Variants in NINJ2 observed in about 807,000 individuals in gnomAD.
NINJ2 encodes the protein ninjurin-2.
A neutral mutation model predicts 11.7 loss-of-function variants in NINJ2; 12 were observed. The ratio of observed to expected loss-of-function variants is 1.02; its 90% CI spans 0.66 to 1.66. The LOEUF is 1.66. Ranked by LOEUF, NINJ2 falls within the 40% of genes most tolerant of loss-of-function variation. The pLI is 0.00. For synonymous variants in NINJ2, 93 were observed against 76.8 expected (o/e 1.21, Z -1.10); for missense variants, 187 against 181.8 (o/e 1.03, Z -0.16).
At chr12:650,799 G>T (rs980851098) in intron 1 of NINJ2, among the ~76,000 whole-genome samples, 3 of 152,182 alleles carry the variant, frequency 2.0e-5, no homozygotes, top group Admixed American at 2.0e-4. Context: ...CTGCATGTAA[G>T]GCACTTGGAA....
chr12:565,299 A>T lies in NINJ2; in HGVS notation c.365T>A (p.Ile122Asn). Residue 122 changes from isoleucine (I) to asparagine (N), a missense_variant, in exon 3 of 4, where the codon ATT becomes AAT. Transcript: ENST00000305108. ...TGTTTTATGTGCCCCGAAGGCTGTA[A>T]TGAAAACATTGATGACCACAGTGAA... The part of the protein sequence containing the change: ...VFFTVVINVF[I>N]TAFGAHKTGF... 6.2e-7 allele frequency: 1 copy of T among 1,614,208 alleles called. No homozygotes were observed. Among genetic ancestry groups the T allele is most frequent in the Non-Finnish European group, 8.5e-7 (1 of 1,180,028 alleles).
chr12:638,451 T>C (rs1176404614), intron 1 of NINJ2, among the ~76,000 whole-genome samples: 1 of 152,234 alleles, frequency 6.6e-6, no homozygotes, highest in Non-Finnish European at 1.5e-5. Context: ...AGTCTCGCTC[T>C]GTCACCCAGG....
chr12:662,965 C>CCAAAGAACTG (rs113365778), intron 1 of NINJ2, among the ~76,000 whole-genome samples: 148,270 of 152,192 alleles, frequency 0.97, 72,332 homozygotes, highest in Non-Finnish European at 1. Context: ...TTTCCTGTCT[C>CCAAAGAACTG]CCCGGCAGCT....
chr12:653,252 CCCGTGATCTGCCCGCCTCTG>C, intron 1 of NINJ2, among the ~76,000 whole-genome samples: 1 of 152,044 alleles, frequency 6.6e-6, no homozygotes, highest in Admixed American at 6.6e-5. Flanking sequence ...GATCTCTTGA[CCCGTGATCTGCCCGCCTCTG>C]CCTCCCAAAG....
intron 1 of NINJ2, among the ~76,000 whole-genome samples, chr12:570,357 G>T (rs1299271857): frequency 6.6e-6 from 1 of 152,228 alleles, no homozygotes; most frequent in Non-Finnish European, 1.5e-5. Context: ...CAGAGGGATG[G>T]ATGGAATGAC....
chr12:565,196 G>A, intron 3 of NINJ2, 21 bp downstream of exon 3: 2 of 1,584,668 alleles, frequency 1.3e-6, no homozygotes, highest in Non-Finnish European at 1.7e-6. Context: ...CTGGAGCTGG[G>A]GTTCCTCCAT....
intron 1 of NINJ2, among the ~76,000 whole-genome samples, chr12:611,577 A>T (rs1476077998): frequency 6.6e-6 from 1 of 152,224 alleles, no homozygotes; most frequent in African/African-American, 2.4e-5. Flanking sequence ...ACCTCAAGTG[A>T]TCTGCCTGCC....
intron 1 of NINJ2, among the ~76,000 whole-genome samples, chr12:599,730 G>A (rs528607056): frequency 2.0e-5 from 3 of 152,284 alleles, no homozygotes; most frequent in East Asian, 1.9e-4. Flanking sequence ...CTGGAAGTGC[G>A]GAGGCCCTCC....
chr12:579,083 T>C (rs1218589140), intron 1 of NINJ2, among the ~76,000 whole-genome samples: 1 of 152,188 alleles, frequency 6.6e-6, no homozygotes, highest in Non-Finnish European at 1.5e-5. Flanking sequence ...CATAAGGGTG[T>C]ATATGAGTTT....
rs1033150763 is a variant in NINJ2 at position 585,292 on chromosome 12, C to A, written c.34-19114G>T. Reference sequence around the variant, plus strand: ...CCTGCTGCAAGCTCTTAACCCTTAGCGTGAGCAGATGGTAGAACTGCCCAT... The same window carrying A: ...CCTGCTGCAAGCTCTTAACCCTTAGAGTGAGCAGATGGTAGAACTGCCCAT... On this transcript the variant is annotated intron_variant, in intron 1 of 3. Coordinates refer to ENST00000305108, the MANE Select transcript of NINJ2 (RefSeq NM_016533.6). The surrounding 1 kb of genome is among the most constrained non-coding windows in gnomAD (Gnocchi z 4.1). Among the ~76,000 whole-genome samples, 3 of 152,182 alleles carry A rather than the reference C, an allele frequency of 2.0e-5. No individual in the cohort carries two copies. Among genetic ancestry groups the A allele is most frequent in the African/African-American group, 4.8e-5 (2 of 41,434 alleles).
chr12:633,739 C>T lies in NINJ2; in HGVS notation c.33+29589G>A, dbSNP rs974958659. On this transcript the variant is annotated intron_variant, in intron 1 of 3. Transcript: ENST00000305108. The surrounding 1 kb of genome is among the most constrained non-coding windows in gnomAD (Gnocchi z 4.3). ...CTGAGGCAGGAGAATCATTTGAACC[C>T]AGGAGGTGGAGGTTGCAGTGAGCCA... Among the ~76,000 whole-genome samples the T allele has an allele frequency of 3.9e-5, 6 of 152,184 alleles. No individual in the cohort carries two copies. The highest frequency in any genetic ancestry group is 1.4e-4 in the African/African-American group (6 of 41,450).
At position 565,285 on chromosome 12, in the gene NINJ2, C is replaced by T. The variant is rs1947276363; in HGVS notation, c.379G>A (p.Ala127Thr). 1 of 1,614,166 alleles carries T rather than the reference C, an allele frequency of 6.2e-7. No homozygotes were observed. Among genetic ancestry groups the T allele is most frequent in the Non-Finnish European group, 8.5e-7 (1 of 1,180,020 alleles). ...VINVFITAFG[A>T]HKTGFLAARA... ...GCAGCCAGGAACCCTGTTTTATGTG[C>T]CCCGAAGGCTGTAATGAAAACATTG... Residue 127 changes from alanine to threonine, a missense_variant, in exon 3 of 4, where the codon GCA becomes ACA. Ala to Thr is a moderately conservative substitution (Grantham distance 58). Transcript: ENST00000305108.
intron 1 of NINJ2, among the ~76,000 whole-genome samples, chr12:568,325 C>T (rs1210780310): frequency 6.6e-6 from 1 of 152,200 alleles, no homozygotes; most frequent in Non-Finnish European, 1.5e-5. Context: ...CAATCCTCTC[C>T]TAGGCCAACA....
At chr12:597,657 C>A (rs1947806295) in intron 1 of NINJ2, among the ~76,000 whole-genome samples, 1 of 152,228 alleles carries the variant, frequency 6.6e-6, no homozygotes, top group Non-Finnish European at 1.5e-5. Flanking sequence ...AAAGTAGGGC[C>A]AAGTGAAATT....
At chr12:617,357 G>A (rs540117698) in intron 1 of NINJ2, among the ~76,000 whole-genome samples, 2 of 152,262 alleles carry the variant, frequency 1.3e-5, no homozygotes, top group African/African-American at 4.8e-5. Context: ...CTCCCCTCAC[G>A]AAGCCTTCCC....
intron 1 of NINJ2, among the ~76,000 whole-genome samples, chr12:639,277 A>G (rs1461158426): frequency 2.0e-5 from 3 of 152,190 alleles, no homozygotes; most frequent in African/African-American, 7.2e-5. Context: ...AGTCACACTT[A>G]TATGGGGCTG....
chr12:577,427 A>ATGTATG (rs1947476222), intron 1 of NINJ2, among the ~76,000 whole-genome samples: 1 of 62,610 alleles, frequency 1.6e-5, no homozygotes, highest in Non-Finnish European at 4.5e-5. Context: ...ATATATATAT[A>ATGTATG]TACATATATA....
rs73598153 is a variant in NINJ2 at position 649,920 on chromosome 12, A to C, written c.33+13408T>G. 8.1e-3 allele frequency among the ~76,000 whole-genome samples: 1,231 copies of C among 152,284 alleles called. 20 individuals carry two copies. Among genetic ancestry groups the C allele is most frequent in the African/African-American group, 0.028 (1,176 of 41,548 alleles). On this transcript the variant is annotated intron_variant, in intron 1 of 3. Transcript: ENST00000305108. ...TAAGTATTCTTCCAAAACATAAAAA[A>C]TTGTTCCATATTTATTTACAGATAT...
At chr12:589,896 C>T (rs1054250385) in intron 1 of NINJ2, among the ~76,000 whole-genome samples, 12 of 152,062 alleles carry the variant, frequency 7.9e-5, no homozygotes, top group Admixed American at 4.6e-4. Flanking sequence ...AGATGGGCTG[C>T]TGTGGCAGCC....
Sources: gnomAD v4.1 joint callset for allele counts (sites outside exome capture counted in the v4.1 genomes callset) on GRCh38, gnomAD v4.1.1 for gene constraint, Gnocchi (gnomAD v3.1) non-coding constraint, MANE v1.5 for transcripts, NCBI Gene and HGNC (gene_info 2026-07-23, HGNC 2026-07-21) for gene names.